CSGALNACT1: variants seen among roughly 807,000 people sequenced by gnomAD.
CSGALNACT1 encodes the protein chondroitin sulfate N-acetylgalactosaminyltransferase 1.
Under a neutral mutation model 51.0 loss-of-function variants are expected in CSGALNACT1, and 52 were observed. The ratio of observed to expected loss-of-function variants is 1.02; its 90% CI spans 0.82 to 1.29. CSGALNACT1 has a LOEUF of 1.29. Ranked by LOEUF, CSGALNACT1 falls within the 50% of genes most tolerant of loss-of-function variation. The probability of loss-of-function intolerance (pLI) is 0.00; values close to 1 mark genes in which losing one functional copy is unlikely to be tolerated. For synonymous variants in CSGALNACT1, 341 were observed against 254.4 expected (o/e 1.34, Z -3.24); for missense variants, 935 against 679.2 (o/e 1.38, Z -4.19).
At chr8:19,405,926 G>T in exon 10 of CSGALNACT1, 1 of 1,614,146 alleles carries the variant, frequency 6.2e-7, no homozygotes, top group South Asian at 1.1e-5. Flanking sequence ...TCGGGGGTCA[G>T]CTCGTCCATG....
At chr8:19,634,721 A>G (rs1325809410) in intron 1 of CSGALNACT1, among the ~76,000 whole-genome samples, 1 of 152,162 alleles carries the variant, frequency 6.6e-6, no homozygotes, top group Non-Finnish European at 1.5e-5. Context: ...CCATATGGAG[A>G]CACAGAGAGA....
At chr8:19,694,461 A>G (rs2061487543) in intron 1 of CSGALNACT1, among the ~76,000 whole-genome samples, 1 of 152,278 alleles carries the variant, frequency 6.6e-6, no homozygotes, top group Non-Finnish European at 1.5e-5. Flanking sequence ...AAAAAGTTAA[A>G]AAGTTAAACA....
intron 3 of CSGALNACT1, among the ~76,000 whole-genome samples, chr8:19,549,857 C>A (rs2087509386): frequency 6.6e-6 from 1 of 152,028 alleles, no homozygotes; most frequent in African/African-American, 2.4e-5. Context: ...TTGGAAAGTA[C>A]AGCTGTATTT....
At chr8:19,550,424 T>C (rs1036498858) in intron 3 of CSGALNACT1, among the ~76,000 whole-genome samples, 5 of 152,230 alleles carry the variant, frequency 3.3e-5, no homozygotes, top group African/African-American at 1.2e-4. Flanking sequence ...CACTGAATTT[T>C]TAATTTCTGT....
intron 1 of CSGALNACT1, among the ~76,000 whole-genome samples, chr8:19,621,872 T>C (rs1255352837): frequency 1.3e-5 from 2 of 152,388 alleles, no homozygotes; most frequent in East Asian, 3.9e-4. Context: ...TTGTTTCTGA[T>C]ATGAGAATAT....
intron 1 of CSGALNACT1, among the ~76,000 whole-genome samples, chr8:19,655,551 CAT>C (rs1554787130): frequency 9.5e-5 from 12 of 126,010 alleles, no homozygotes; most frequent in South Asian, 5.8e-4. Flanking sequence ...TCTATATGCA[CAT>C]ATATATACAC....
chr8:19,733,078 G>C (rs2063775710), intron 1 of CSGALNACT1, among the ~76,000 whole-genome samples: 1 of 152,182 alleles, frequency 6.6e-6, no homozygotes, highest in Non-Finnish European at 1.5e-5. Flanking sequence ...GAGGATTTCT[G>C]AGGATTAATA....
chr8:19,496,920 T>C (rs2075585283), intron 4 of CSGALNACT1, among the ~76,000 whole-genome samples: 1 of 152,288 alleles, frequency 6.6e-6, no homozygotes, highest in African/African-American at 2.4e-5. Flanking sequence ...GACCATGCTG[T>C]GCAGCCGGCG....
intron 6 of CSGALNACT1, among the ~76,000 whole-genome samples, chr8:19,437,182 G>A (rs2060511561): frequency 6.6e-6 from 1 of 152,096 alleles, no homozygotes; most frequent in African/African-American, 2.4e-5. Flanking sequence ...TCAGAGAAAA[G>A]GACTGGAAGT....
chr8:19,718,659 C>T (rs2062948510), intron 1 of CSGALNACT1, among the ~76,000 whole-genome samples: 1 of 152,154 alleles, frequency 6.6e-6, no homozygotes, highest in Non-Finnish European at 1.5e-5. Flanking sequence ...GATCATGTCA[C>T]TTCCCCGGCC....
intron 4 of CSGALNACT1, among the ~76,000 whole-genome samples, chr8:19,496,862 A>G (rs1246167238): frequency 6.6e-6 from 1 of 152,022 alleles, no homozygotes; most frequent in South Asian, 2.1e-4. Context: ...TTCTCCAGGA[A>G]CCCCAATGGG....
At chr8:19,724,563 T>C (rs1564473627) in intron 1 of CSGALNACT1, among the ~76,000 whole-genome samples, 1 of 152,230 alleles carries the variant, frequency 6.6e-6, no homozygotes, top group Non-Finnish European at 1.5e-5. Flanking sequence ...GATCCCTCCC[T>C]TCATCACATC....
intron 3 of CSGALNACT1, among the ~76,000 whole-genome samples, chr8:19,577,983 C>G (rs774329179): frequency 2.6e-5 from 4 of 152,252 alleles, no homozygotes; most frequent in African/African-American, 9.6e-5. Flanking sequence ...ATAACTGGAT[C>G]CCATAGGTGT....
intron 4 of CSGALNACT1, among the ~76,000 whole-genome samples, chr8:19,463,928 T>C (rs571565565): frequency 1.3e-5 from 2 of 152,304 alleles, no homozygotes; most frequent in African/African-American, 4.8e-5. Flanking sequence ...ATTCCTTCAG[T>C]AGGCCAGGAG....
chr8:19,412,579 G>A (rs998667507), intron 8 of CSGALNACT1, among the ~76,000 whole-genome samples: 1 of 152,210 alleles, frequency 6.6e-6, no homozygotes, highest in East Asian at 1.9e-4. Context: ...GGCTGCGTCT[G>A]GTCTACCTTG....
At chr8:19,506,251 G>C in intron 3 of CSGALNACT1, 121 bp from the exon 3 acceptor site, 1 of 374,986 alleles carries the variant, frequency 2.7e-6, no homozygotes, top group Non-Finnish European at 5.2e-6. Flanking sequence ...TATGATAGAT[G>C]ATTAAATATT....
chr8:19,480,494 C>T (rs1486227565), intron 4 of CSGALNACT1, among the ~76,000 whole-genome samples: 1 of 152,178 alleles, frequency 6.6e-6, no homozygotes, highest in African/African-American at 2.4e-5. Context: ...GTACATACCA[C>T]ATTTTCTTTA....
chr8:19,739,772 G>C (rs2064198928), intron 1 of CSGALNACT1, among the ~76,000 whole-genome samples: 1 of 152,182 alleles, frequency 6.6e-6, no homozygotes, highest in African/African-American at 2.4e-5. Context: ...TGAAGTAGAA[G>C]ACTTGTTCCT....
intron 1 of CSGALNACT1, among the ~76,000 whole-genome samples, chr8:19,714,714 GTCTGAGTCTGGT>G (rs2062704675): frequency 1.3e-5 from 2 of 150,648 alleles, no homozygotes; most frequent in Admixed American, 1.3e-4. Context: ...TCTGTGACAT[GTCTGAGTCTGGT>G]CCCGATGACT....
Sources: gnomAD v4.1 joint callset for allele counts (sites outside exome capture counted in the v4.1 genomes callset) on GRCh38, gnomAD v4.1.1 for gene constraint, MANE v1.5 for transcripts, NCBI Gene and HGNC (gene_info 2026-07-23, HGNC 2026-07-21) for gene names.